KIAA1217: variants seen among roughly 807,000 people sequenced by gnomAD.
The protein encoded by KIAA1217 is KIAA1217, also known as sickle tail protein homolog.
Under a neutral mutation model 163.9 loss-of-function variants are expected in KIAA1217, and 88 were observed. The ratio of observed to expected loss-of-function variants is 0.54; its 90% CI spans 0.45 to 0.64. The LOEUF (loss-of-function observed/expected upper bound fraction) is 0.64. Among genes scored for constraint, KIAA1217 ranks in the 30% least tolerant of loss-of-function variants. The probability of loss-of-function intolerance (pLI) is 0.00; values close to 1 mark genes in which losing one functional copy is unlikely to be tolerated. For missense variants in KIAA1217, 2,372 were observed against 2,475.0 expected, an observed-to-expected ratio of 0.96 and a Z score of 0.88; for synonymous variants, 903 against 923.1, an observed-to-expected ratio of 0.98 and a Z score of 0.39.
At chr10:23,954,454 G>T (rs902825744) in intron 1 of KIAA1217, among the ~76,000 whole-genome samples, 4 of 151,912 alleles carry the variant, frequency 2.6e-5, no homozygotes, top group African/African-American at 9.7e-5. Flanking sequence ...GGTCCCAGCT[G>T]CTCGGGAGGC....
At chr10:24,225,211 G>C (rs2070349226) in intron 2 of KIAA1217, among the ~76,000 whole-genome samples, 1 of 152,102 alleles carries the variant, frequency 6.6e-6, no homozygotes, top group Non-Finnish European at 1.5e-5. Context: ...CTGCAGCCTT[G>C]AACTCCTGGG....
chr10:24,231,415 C>A (rs573753249), intron 2 of KIAA1217, among the ~76,000 whole-genome samples: 1 of 152,290 alleles, frequency 6.6e-6, no homozygotes, highest in Admixed American at 6.5e-5. Context: ...GCAAGCACTG[C>A]ACGTGAAAGG....
rs2069515567 is a variant in KIAA1217, at chr10:24,513,387, G to A, written c.2130G>A (p.Glu710=). The part of the protein sequence containing the change: ...VQRQRVLVEQ[E]RQKYLHEEEK... ...GACAGCGCGTCCTAGTGGAGCAAGA[G>A]AGACAAAAATATCTTCATGAGGAAG... The change falls in exon 10 of 21, where the codon GAG becomes GAA. Residue 710 remains glutamate, a synonymous_variant. Transcript: ENST00000376454. 6 of 1,614,088 alleles carry A rather than the reference G, an allele frequency of 3.7e-6. No homozygotes were observed. Among genetic ancestry groups the A allele is most frequent in the South Asian group, 1.1e-5 (1 of 91,090 alleles).
At chr10:24,192,321 G>A (rs1371385804) in intron 2 of KIAA1217, among the ~76,000 whole-genome samples, 1 of 152,132 alleles carries the variant, frequency 6.6e-6, no homozygotes, top group Non-Finnish European at 1.5e-5. Flanking sequence ...TCCAGGTATA[G>A]GGAGGGCATC....
intron 1 of KIAA1217, among the ~76,000 whole-genome samples, chr10:23,716,961 A>C (rs2130751095): frequency 6.6e-6 from 1 of 151,958 alleles, no homozygotes; most frequent in Non-Finnish European, 1.5e-5. Flanking sequence ...TATACTTGTC[A>C]CTCTCCCATG....
chr10:24,148,958 G>GT (rs1413570064), intron 2 of KIAA1217, among the ~76,000 whole-genome samples: 1 of 152,100 alleles, frequency 6.6e-6, no homozygotes, highest in African/African-American at 2.4e-5. Flanking sequence ...ACTTCTGTGA[G>GT]TTTTTTACTT....
chr10:23,696,093 C>T (rs748124913), intron 1 of KIAA1217, among the ~76,000 whole-genome samples: 6 of 152,212 alleles, frequency 3.9e-5, no homozygotes, highest in Non-Finnish European at 8.8e-5. Flanking sequence ...CCTCGACATT[C>T]TGCTCACTTC....
chr10:24,220,496 C>T (rs2069452369), intron 2 of KIAA1217, among the ~76,000 whole-genome samples: 1 of 137,796 alleles, frequency 7.3e-6, no homozygotes, highest in Non-Finnish European at 1.5e-5. Context: ...GCTCTGTCGC[C>T]CAGGCTAGAG....
chr10:23,941,670 T>G (rs1843773885), intron 1 of KIAA1217, among the ~76,000 whole-genome samples: 1 of 152,158 alleles, frequency 6.6e-6, no homozygotes, highest in Admixed American at 6.5e-5. Context: ...AGCTGACCCC[T>G]GAACATACAT....
At chr10:23,758,462 C>A (rs1156506387) in intron 1 of KIAA1217, among the ~76,000 whole-genome samples, 5 of 152,108 alleles carry the variant, frequency 3.3e-5, no homozygotes, top group Admixed American at 1.3e-4. Flanking sequence ...AGCTTCATAG[C>A]CAGTTTTGAA....
chr10:24,265,331 T>C (rs559446781), intron 2 of KIAA1217, among the ~76,000 whole-genome samples: 3 of 152,238 alleles, frequency 2.0e-5, no homozygotes, highest in Admixed American at 2.0e-4. Flanking sequence ...AATGCCACCA[T>C]GTATGTATGT....
intron 5 of KIAA1217, among the ~76,000 whole-genome samples, chr10:24,452,368 TC>T (rs2061438092): frequency 6.6e-6 from 1 of 151,766 alleles, no homozygotes; most frequent in Non-Finnish European, 1.5e-5. Context: ...TACAGAAAAA[TC>T]ATTTAGCAGG....
At chr10:24,046,330 C>T (rs2037759095) in intron 2 of KIAA1217, among the ~76,000 whole-genome samples, 1 of 152,086 alleles carries the variant, frequency 6.6e-6, no homozygotes, top group African/African-American at 2.4e-5. Flanking sequence ...CTCATATAGT[C>T]CTCACAACAA....
chr10:24,256,759 A>G (rs998918860), intron 2 of KIAA1217, among the ~76,000 whole-genome samples: 1 of 152,256 alleles, frequency 6.6e-6, no homozygotes, highest in East Asian at 1.9e-4. Context: ...TCAGTCTTAG[A>G]GGCTGATTTT....
intron 2 of KIAA1217, among the ~76,000 whole-genome samples, chr10:24,306,674 C>A (rs1355979257): frequency 6.6e-6 from 1 of 152,198 alleles, no homozygotes; most frequent in African/African-American, 2.4e-5. Flanking sequence ...GTAATACTTT[C>A]AACAGCAGCA....
chr10:23,701,501 C>T (rs1564349141), intron 1 of KIAA1217, among the ~76,000 whole-genome samples: 1 of 152,102 alleles, frequency 6.6e-6, no homozygotes, highest in Non-Finnish European at 1.5e-5. Context: ...TTTGGGTTTG[C>T]CTCTTGCTGG....
intron 1 of KIAA1217, among the ~76,000 whole-genome samples, chr10:23,894,073 C>T (rs1236277243): frequency 1.6e-4 from 24 of 151,824 alleles, no homozygotes; most frequent in Admixed American, 1.6e-3. Flanking sequence ...CCTTTGAAAA[C>T]TGGCACAAGA....
chr10:24,461,003 T>G (rs1449678890), intron 5 of KIAA1217, among the ~76,000 whole-genome samples: 1 of 152,156 alleles, frequency 6.6e-6, no homozygotes, highest in Non-Finnish European at 1.5e-5. Context: ...TTTGAGTAGC[T>G]CCATTGTGAG....
At chr10:23,873,015 G>C (rs1016483898) in intron 1 of KIAA1217, among the ~76,000 whole-genome samples, 9 of 151,956 alleles carry the variant, frequency 5.9e-5, no homozygotes, top group African/African-American at 9.7e-5. Flanking sequence ...CTGTTAAAAA[G>C]CTCTTGCATT....
Sources: gnomAD v4.1 joint callset for allele counts (sites outside exome capture counted in the v4.1 genomes callset) on GRCh38, gnomAD v4.1.1 for gene constraint, MANE v1.5 for transcripts, NCBI Gene and HGNC (gene_info 2026-07-23, HGNC 2026-07-21) for gene names.